KMT2D: variants seen among roughly 807,000 people sequenced by gnomAD.
KMT2D encodes lysine methyltransferase 2D, also known as histone-lysine N-methyltransferase 2D.
KMT2D carries 55 observed loss-of-function variants against 512.7 expected under a neutral mutation model. The ratio of observed to expected loss-of-function variants is 0.11; its 90% CI spans 0.09 to 0.13. KMT2D has a LOEUF of 0.13. Among genes scored for constraint, KMT2D ranks in the 10% least tolerant of loss-of-function variants. KMT2D has a pLI of 1.00. For missense variants in KMT2D, 6,061 were observed against 7,127.9 expected (o/e 0.85, Z 5.39); for synonymous variants, 2,995 against 2,904.0 (o/e 1.03, Z -1.01).
chr12:49,040,284 C>T lies in KMT2D; in HGVS notation c.7486G>A (p.Ala2496Thr), dbSNP rs2120525898. The T allele has an allele frequency of 6.2e-7, 1 of 1,606,632 alleles. No individual in the cohort carries two copies. ...CCTGCTGGCCCCGCGGGCAGGGCTG[C>T]TGGGAACCCCCCAGCCCCCAGCGAA... is the stretch of plus-strand genomic sequence containing the variant. ...HTSLGAGGFP[A>T]ALPAGPAGEL... Residue 2496 changes from alanine to threonine, a missense_variant, in exon 32 of 55, where the codon GCA becomes ACA. Ala to Thr is a moderately conservative substitution (Grantham distance 58, BLOSUM62 0). Coordinates refer to ENST00000301067, the MANE Select transcript of KMT2D (RefSeq NM_003482.4).
Position 49,026,555 on chromosome 12 carries a change from C to T in KMT2D, c.15411G>A (p.Lys5137=), listed in dbSNP as rs765339873. 13 of 1,614,024 alleles carry T rather than the reference C, an allele frequency of 8.1e-6. No homozygotes were observed. The South Asian group carries it at 8.8e-5, about 11-fold the overall frequency. Residue 5137 remains lysine (K), a synonymous_variant, in exon 49 of 55, where the codon AAG becomes AAA. Coordinates refer to ENST00000301067, the MANE Select transcript of KMT2D (RefSeq NM_003482.4). The surrounding 1 kb of genome is among the most constrained non-coding windows in gnomAD (Gnocchi z 9.6). ...KDKTMLCPMH[K]IKGPCEQELS... ...GCTCTTGCTCACAGGGCCCCTTGAT[C>T]TTATGCATTGGACACAGCATGGTCT... is the stretch of plus-strand genomic sequence containing the variant.
In KMT2D at chr12:49,030,432, A is replaced by G. The variant is rs2120403710; in HGVS notation, c.13847T>C (p.Leu4616Pro). ...YYSQLLTKNN[L>P]SNPPTPPSSL... Reference sequence around the variant, plus strand: ...CGAGGGTGGTGTCGGCGGGTTACTCAGGTTATTCTGAGGGGTGGGGGGTGG... The same window carrying G: ...CGAGGGTGGTGTCGGCGGGTTACTCGGGTTATTCTGAGGGGTGGGGGGTGG... Residue 4616 changes from leucine (L) to proline (P), a missense_variant, in exon 43 of 55, where the codon CTG becomes CCG. Physicochemically the swap from Leu to Pro is moderately conservative, Grantham distance 98. This residue lies in a region of KMT2D where 1,600 missense variants were observed against 1,754.9 expected (regional missense o/e 0.91). Transcript: ENST00000301067. The G allele has an allele frequency of 1.1e-6, 1 of 923,136 alleles. No homozygotes were observed. The highest frequency in any genetic ancestry group is 1.5e-6 in the Non-Finnish European group (1 of 689,524). The allele number at this position is 923,136 out of a possible 1,614,324, so 57.2% of individuals were successfully genotyped here.
chr12:49,025,780 C>T (rs1020424623), intron 49 of KMT2D, among the ~76,000 whole-genome samples: 7 of 152,154 alleles, frequency 4.6e-5, no homozygotes, highest in Admixed American at 4.6e-4. Context: ...AAAAAGGTAC[C>T]TGCTCTTACT....
chr12:49,041,635 C>T lies in KMT2D; in HGVS notation c.6234+20G>A, dbSNP rs956042841. 6.2e-6 allele frequency: 10 copies of T among 1,613,252 alleles called. No individual in the cohort carries two copies. The highest frequency in any genetic ancestry group is 4.0e-5 in the African/African-American group (3 of 74,884). ...GCCACCCACTAGAGGACTGCTACACCCCAGCCCAGCCCCACTCACCTTCTG... is the reference window on the plus strand; with the variant it reads ...GCCACCCACTAGAGGACTGCTACACTCCAGCCCAGCCCCACTCACCTTCTG... On this transcript the variant is annotated intron_variant, in intron 31 of 54. Coordinates refer to ENST00000301067, the MANE Select transcript of KMT2D (RefSeq NM_003482.4). The surrounding 1 kb of genome is among the most constrained non-coding windows in gnomAD (Gnocchi z 5.4).
intron 11 of KMT2D, 45 bp downstream of exon 11, chr12:49,050,839 AAG>A: frequency 2.5e-6 from 4 of 1,568,872 alleles, no homozygotes; most frequent in Non-Finnish European, 3.5e-6. Flanking sequence ...ATGTGCCATG[AAG>A]AGTTACAGCT....
intron 1 of KMT2D, among the ~76,000 whole-genome samples, chr12:49,058,464 G>C (rs1483277002): frequency 1.3e-5 from 2 of 152,206 alleles, no homozygotes; most frequent in African/African-American, 4.8e-5. Flanking sequence ...GAGTGAGGGA[G>C]CAAAATGCAC....
At position 49,041,779 on chromosome 12, in the gene KMT2D, A is replaced by C; in HGVS notation, c.6184-74T>G. 6.5e-7 allele frequency: 1 copy of C among 1,544,242 alleles called. No homozygotes were observed. The highest frequency in any genetic ancestry group is 2.4e-5 in the East Asian group (1 of 41,854). On this transcript the variant is annotated intron_variant, in intron 30 of 54. Transcript: ENST00000301067. This position sits in a 1 kb window ranked among gnomAD's most constrained non-coding sequence, Gnocchi z 5.4. ...CCCGCCCCCATACTGTAGTGTTTTCACACTCCCTACCCAGAAGCAGATCCC... is the reference window on the plus strand; with the variant it reads ...CCCGCCCCCATACTGTAGTGTTTTCCCACTCCCTACCCAGAAGCAGATCCC...
rs1467055679 is a variant in KMT2D at position 49,049,864 on chromosome 12, A to C, written c.3724T>G (p.Leu1242Val). Residue 1242 changes from leucine (L) to valine (V), a missense_variant, in exon 12 of 55, where the codon TTG (leucine) becomes GTG (valine). Transcript: ENST00000301067. ...GGACTAACATCCGTAGAGACCCCCA[A>C]CTCCATGGACAGGGAGCCACCCCCC... is the stretch of plus-strand genomic sequence containing the variant. ...PEGGGSLSME[L>V]GVSTDVSPAR... The C allele has an allele frequency of 6.2e-7, 1 of 1,613,496 alleles. No homozygotes were observed. Among genetic ancestry groups the C allele is most frequent in the Admixed American group, 1.7e-5 (1 of 59,996 alleles).
Position 49,041,309 on chromosome 12 carries a change from T to A in KMT2D, c.6461A>T (p.Asp2154Val), listed in dbSNP as rs1461108750. 6.5e-7 allele frequency: 1 copy of A among 1,532,618 alleles called. No individual in the cohort carries two copies. Among genetic ancestry groups the A allele is most frequent in the South Asian group, 1.3e-5 (1 of 78,018 alleles). 94.9% of individuals were successfully genotyped at this position (1,532,618 alleles called of 1,614,324 possible). A position where few individuals can be genotyped will look rare whatever the true frequency, so the allele number is the denominator to read the frequency against. ...CTTGAGGAAGAGCTCACCAGGCGAGTCAGGGCCAGGCACCGAGCCCGCCGG... is the reference window on the plus strand; with the variant it reads ...CTTGAGGAAGAGCTCACCAGGCGAGACAGGGCCAGGCACCGAGCCCGCCGG... Reference protein sequence around the residue: ...KPPAGSVPGPDSPGELFLKLP... With the variant: ...KPPAGSVPGPVSPGELFLKLP... The change falls in exon 32 of 55, where the codon GAC becomes GTC. Residue 2154 changes from aspartate (D) to valine (V), a missense_variant. Transcript: ENST00000301067. The surrounding 1 kb of genome is among the most constrained non-coding windows in gnomAD (Gnocchi z 5.4).
chr12:49,052,878 C>T (rs1282203245), intron 9 of KMT2D, 37 bp downstream of exon 9: 2 of 1,610,116 alleles, frequency 1.2e-6, no homozygotes, highest in South Asian at 1.1e-5. Context: ...GTTCTTCCAA[C>T]CTGCCAGCCC....
In KMT2D at chr12:49,042,767, G is replaced by A. The variant is rs200741577; in HGVS notation, c.5756C>T (p.Thr1919Met). 5 of 1,613,776 alleles carry A rather than the reference G, an allele frequency of 3.1e-6. No homozygotes were observed. The highest frequency in any genetic ancestry group is 4.2e-6 in the Non-Finnish European group (5 of 1,179,810). ...TTGAAGAAAGGGCCTCTGCAGTGGC[G>A]TACGGCTGCCTTCTAGGCCAGGGGT... ...CGTPGLEGSR[T>M]PLQRPFLQGG... The change falls in exon 27 of 55, where the codon ACG becomes ATG. Residue 1919 changes from threonine to methionine, a missense_variant. This residue lies in a region of KMT2D where 640 missense variants were observed against 814.3 expected (regional missense o/e 0.79). Transcript: ENST00000301067. This position sits in a 1 kb window ranked among gnomAD's most constrained non-coding sequence, Gnocchi z 4.4.
intron 2 of KMT2D, 81 bp from the exon 3 acceptor site, chr12:49,055,107 C>G: frequency 6.3e-7 from 1 of 1,590,226 alleles, no homozygotes; most frequent in Middle Eastern, 1.7e-4. Context: ...ATGAGATTAT[C>G]CAAAACCTGA....
In KMT2D at chr12:49,033,368, G is replaced by T; in HGVS notation, c.11337C>A (p.Pro3779=). ...GGACCAGGAGGCCTTGGTGGCTGCT[G>T]GGAGGCATAAGGCCCTGGGGCTTGG... ...LGPKPQGLMP[P]SSHQGLLVQQ... Residue 3779 remains proline (P), a synonymous_variant, in exon 40 of 55, where the codon CCC becomes CCA. Transcript: ENST00000301067. The T allele has an allele frequency of 6.3e-7, 1 of 1,582,492 alleles. No individual in the cohort carries two copies. Among genetic ancestry groups the T allele is most frequent in the East Asian group, 2.3e-5 (1 of 43,120 alleles).
chr12:49,021,412 G>T lies in KMT2D; in HGVS notation c.*368C>A. ...CCGGAGAGGTCAGTGGGAGCAGCAG[G>T]GCTGTGAGGCCCGGCCACACATCCT... On this transcript the variant is annotated 3_prime_UTR_variant, in exon 55 of 55. Transcript: ENST00000301067. 1 of 328,848 alleles carries T rather than the reference G, an allele frequency of 3.0e-6. No homozygotes were observed. Among genetic ancestry groups the T allele is most frequent in the Non-Finnish European group, 5.6e-6 (1 of 177,284 alleles). 20.4% of individuals were successfully genotyped at this position (328,848 alleles called of 1,614,324 possible). A position where few individuals can be genotyped will look rare whatever the true frequency, so the allele number is the denominator to read the frequency against.
At chr12:49,047,806 A>G (rs1937644979) in intron 15 of KMT2D, among the ~76,000 whole-genome samples, 159 bp downstream of exon 15, 3 of 152,190 alleles carry the variant, frequency 2.0e-5, no homozygotes, top group Admixed American at 2.0e-4. Flanking sequence ...GTTGAGTTCC[A>G]AAGTACTTTT....
chr12:49,023,779 G>T (rs187325879), intron 51 of KMT2D, among the ~76,000 whole-genome samples: 75 of 152,206 alleles, frequency 4.9e-4, no homozygotes, highest in Admixed American at 7.9e-4. Context: ...ACCATTGCAG[G>T]GCATCAAGGA....
At chr12:49,029,947 G>T (rs1310060723) in intron 43 of KMT2D, among the ~76,000 whole-genome samples, 1 of 152,338 alleles carries the variant, frequency 6.6e-6, no homozygotes, top group East Asian at 1.9e-4. Context: ...CTTGGATACA[G>T]TAACACAGTT....
intron 19 of KMT2D, among the ~76,000 whole-genome samples, chr12:49,045,409 C>T (rs1215890726): frequency 6.6e-6 from 1 of 152,074 alleles, no homozygotes; most frequent in Non-Finnish European, 1.5e-5. Flanking sequence ...TTTGGGAGGC[C>T]GAGGCTGGCA....
chr12:49,053,778 C>T, intron 6 of KMT2D, 137 bp from the exon 7 acceptor site: 1 of 1,162,782 alleles, frequency 8.6e-7, no homozygotes. Flanking sequence ...CAACGTCTGC[C>T]AGCTACTGTT....
Sources: gnomAD v4.1 joint callset for allele counts (sites outside exome capture counted in the v4.1 genomes callset) on GRCh38, gnomAD v4.1.1 for gene constraint, gnomAD v4.1.1 regional missense constraint, Gnocchi (gnomAD v3.1) non-coding constraint, MANE v1.5 for transcripts, NCBI Gene and HGNC (gene_info 2026-07-23, HGNC 2026-07-21) for gene names.